CASD1: variants seen among roughly 807,000 people sequenced by gnomAD.
CASD1 encodes N-acetylneuraminate (7)9-O-acetyltransferase.
A neutral mutation model predicts 100.0 loss-of-function variants in CASD1; 41 were observed. That is an observed-to-expected ratio of 0.41 (90% CI 0.32 to 0.53). The LOEUF is 0.53. CASD1 is among the 20% of genes least tolerant of loss of function. CASD1 has a pLI of 0.25. For synonymous variants in CASD1, 321 were observed against 315.6 expected, an observed-to-expected ratio of 1.02 and a Z score of -0.18; for missense variants, 774 against 948.7, an observed-to-expected ratio of 0.82 and a Z score of 2.42.
chr7:94,558,795 TTTAATTAA>T (rs569999823), downstream of CASD1, among the ~76,000 whole-genome samples: 1 of 152,126 alleles, frequency 6.6e-6, no homozygotes, highest in East Asian at 1.9e-4. Flanking sequence ...TCTTATTTTA[TTTAATTAA>T]TTAATTAATT....
At chr7:94,584,293 T>C in the CASD1 span, among the ~76,000 whole-genome samples, 2 of 152,166 alleles carry the variant, frequency 1.3e-5, no homozygotes, top group Non-Finnish European at 2.9e-5. Context: ...CAAAATCTGG[T>C]CCTCTGGAGC....
chr7:94,538,560 G>A (rs1795228240), intron 9 of CASD1, among the ~76,000 whole-genome samples: 1 of 152,006 alleles, frequency 6.6e-6, no homozygotes, highest in African/African-American at 2.4e-5. Flanking sequence ...CTTTTTTTCT[G>A]TCAGTAAAGT....
chr7:94,585,163 G>A, the CASD1 span: 2 of 249,470 alleles, frequency 8.0e-6, no homozygotes, highest in Non-Finnish European at 7.7e-6. Flanking sequence ...TGTTTCTAGC[G>A]ATTAAAAGAT....
At chr7:94,528,657 T>C (rs1306609182) in intron 5 of CASD1, among the ~76,000 whole-genome samples, 1 of 152,182 alleles carries the variant, frequency 6.6e-6, no homozygotes, top group African/African-American at 2.4e-5. Flanking sequence ...TAGCCTTTTT[T>C]TCCTTTTATT....
chr7:94,603,342 CAT>C, the CASD1 span: 4 of 1,612,458 alleles, frequency 2.5e-6, no homozygotes, highest in African/African-American at 1.3e-5. Flanking sequence ...TTTTTTATCA[CAT>C]GTTATTACAG....
the CASD1 span, among the ~76,000 whole-genome samples, chr7:94,607,427 T>A: frequency 1.3e-5 from 2 of 152,098 alleles, 1 homozygote; most frequent in South Asian, 4.1e-4. Context: ...CAAATCAGAT[T>A]CAACAATGTA....
At chr7:94,631,776 A>T in the CASD1 span, among the ~76,000 whole-genome samples, 1 of 152,076 alleles carries the variant, frequency 6.6e-6, no homozygotes, top group East Asian at 1.9e-4. Context: ...CTAAAAAGTC[A>T]TTTCACTCTG....
intron 10 of CASD1, among the ~76,000 whole-genome samples, chr7:94,542,468 TG>T (rs1240110504): frequency 6.6e-6 from 1 of 152,226 alleles, no homozygotes; most frequent in Non-Finnish European, 1.5e-5. Flanking sequence ...TTGAACATAT[TG>T]AGTTAAATAA....
Position 94,555,927 on chromosome 7 carries a change from G to A in CASD1, c.*169G>A. The stretch of plus-strand genomic sequence containing the variant: ...ATATGTGGTTGTATATATTGGAAAT[G>A]TACATATCCAATATGAAATACTAAA... On this transcript the variant is annotated 3_prime_UTR_variant, in exon 18 of 18. Coordinates refer to ENST00000297273, the MANE Select transcript of CASD1 (RefSeq NM_022900.5). The A allele has an allele frequency of 1.6e-6, 1 of 632,332 alleles. No individual in the cohort carries two copies. The highest frequency in any genetic ancestry group is 2.4e-5 in the South Asian group (1 of 41,298). The allele number at this position is 632,332 out of a possible 1,614,324, so 39.2% of individuals were successfully genotyped here. A position where few individuals can be genotyped will look rare whatever the true frequency, so the allele number is the denominator to read the frequency against.
At chr7:94,537,100 T>C (rs540416785) in intron 8 of CASD1, among the ~76,000 whole-genome samples, 1 of 152,222 alleles carries the variant, frequency 6.6e-6, no homozygotes, top group East Asian at 1.9e-4. Context: ...TCAGCATTTT[T>C]TAACTAAAGG....
At chr7:94,614,418 G>C in the CASD1 span, among the ~76,000 whole-genome samples, 1 of 152,140 alleles carries the variant, frequency 6.6e-6, no homozygotes, top group Non-Finnish European at 1.5e-5. Flanking sequence ...GGTCCCTAAT[G>C]CTTCAGGATG....
chr7:94,624,340 C>T, the CASD1 span: 4 of 397,130 alleles, frequency 1.0e-5, no homozygotes. Flanking sequence ...TTATACATTA[C>T]ATGTGTCAAA....
chr7:94,515,874 G>C (rs1263145398), intron 1 of CASD1, among the ~76,000 whole-genome samples: 1 of 152,134 alleles, frequency 6.6e-6, no homozygotes, highest in East Asian at 1.9e-4. Flanking sequence ...GATTTAAAGA[G>C]AAATGCTATA....
At chr7:94,541,342 T>C (rs1480789273) in intron 10 of CASD1, among the ~76,000 whole-genome samples, 1 of 151,910 alleles carries the variant, frequency 6.6e-6, no homozygotes. Flanking sequence ...TTGTGTCATG[T>C]TTTTATGCTA....
At chr7:94,608,385 A>G in the CASD1 span, among the ~76,000 whole-genome samples, 1 of 152,204 alleles carries the variant, frequency 6.6e-6, no homozygotes, top group Non-Finnish European at 1.5e-5. Flanking sequence ...CAAGATCTGT[A>G]TGAGGAAGAC....
intron 3 of CASD1, among the ~76,000 whole-genome samples, chr7:94,520,337 A>G (rs1313667830): frequency 6.6e-6 from 1 of 152,204 alleles, no homozygotes; most frequent in Non-Finnish European, 1.5e-5. Flanking sequence ...TCTGGGTAGA[A>G]TAGGAATATT....
downstream of CASD1, among the ~76,000 whole-genome samples, chr7:94,561,239 T>A (rs1796334584): frequency 6.6e-6 from 1 of 152,024 alleles, no homozygotes; most frequent in Admixed American, 6.6e-5. Context: ...AGAGCGAAAC[T>A]CTGCCTCAAA....
the CASD1 span, among the ~76,000 whole-genome samples, chr7:94,605,550 T>G: frequency 6.6e-6 from 1 of 152,118 alleles, no homozygotes; most frequent in Non-Finnish European, 1.5e-5. Context: ...AGACAGGGAT[T>G]ATTTTATCAT....
At chr7:94,529,388 AT>A (rs1204211994) in intron 5 of CASD1, among the ~76,000 whole-genome samples, 7 of 152,258 alleles carry the variant, frequency 4.6e-5, no homozygotes, top group Admixed American at 3.9e-4. Context: ...ATTCTCATAC[AT>A]TTGTTAAAGC....
Sources: allele counts gnomAD v4.1 joint callset (sites outside exome capture counted in the v4.1 genomes callset), GRCh38; gene constraint gnomAD v4.1.1; transcripts MANE v1.5; gene names NCBI Gene and HGNC (gene_info 2026-07-23, HGNC 2026-07-21).